MAN1A1: variants seen among roughly 807,000 people sequenced by gnomAD.
MAN1A1 encodes mannosidase alpha class 1A member 1.
In MAN1A1, 29 loss-of-function variants were observed where a neutral mutation model predicts 70.8. That is an observed-to-expected ratio of 0.41 (90% CI 0.31 to 0.56). The LOEUF (loss-of-function observed/expected upper bound fraction) is 0.56, where lower values mean the gene tolerates loss of function less well. MAN1A1 is among the 20% of genes least tolerant of loss of function. The probability of loss-of-function intolerance (pLI) is 0.29; values close to 1 mark genes in which losing one functional copy is unlikely to be tolerated. For missense variants in MAN1A1, 747 were observed against 841.3 expected (o/e 0.89, Z 1.39); for synonymous variants, 349 against 330.1 (o/e 1.06, Z -0.62).
At chr6:119,220,750 T>A (rs1013246428) in intron 6 of MAN1A1, among the ~76,000 whole-genome samples, 1 of 152,202 alleles carries the variant, frequency 6.6e-6, no homozygotes, top group Non-Finnish European at 1.5e-5. Flanking sequence ...TTTTTTCAGA[T>A]ACTACAGGAT....
intron 9 of MAN1A1, 83 bp downstream of exon 9, chr6:119,193,694 T>C (rs1178946358): frequency 3.6e-6 from 3 of 835,650 alleles, no homozygotes; most frequent in Admixed American, 2.3e-5. Context: ...TCATGTAGTA[T>C]ACCACTTATT....
chr6:119,198,282 C>T (rs944977643), intron 8 of MAN1A1, among the ~76,000 whole-genome samples: 35 of 152,100 alleles, frequency 2.3e-4, no homozygotes, highest in African/African-American at 7.2e-4. Context: ...CCCAGCTACT[C>T]GGGAGGCTGA....
chr6:119,339,757 T>C (rs988966624), intron 2 of MAN1A1, among the ~76,000 whole-genome samples: 2 of 152,230 alleles, frequency 1.3e-5, no homozygotes, highest in African/African-American at 4.8e-5. Flanking sequence ...ATAATTCTGC[T>C]GAGCAACTTT....
At chr6:119,228,156 C>A (rs938052831) in intron 6 of MAN1A1, among the ~76,000 whole-genome samples, 2 of 152,120 alleles carry the variant, frequency 1.3e-5, no homozygotes, top group Non-Finnish European at 2.9e-5. Flanking sequence ...TTCAGAGAGA[C>A]CCCTGTAATA....
intron 2 of MAN1A1, among the ~76,000 whole-genome samples, chr6:119,313,534 T>C (rs1204869388): frequency 2.0e-5 from 3 of 152,142 alleles, no homozygotes; most frequent in African/African-American, 7.2e-5. Flanking sequence ...TCAAGATTCT[T>C]TACCCCAATG....
intron 6 of MAN1A1, among the ~76,000 whole-genome samples, chr6:119,221,571 C>T (rs1292220324): frequency 6.7e-6 from 1 of 149,064 alleles, no homozygotes; most frequent in African/African-American, 2.5e-5. Flanking sequence ...CTCCTGGGTT[C>T]AAGCAATTCT....
intron 2 of MAN1A1, among the ~76,000 whole-genome samples, chr6:119,333,636 G>A (rs189434636): frequency 6.6e-6 from 1 of 152,254 alleles, no homozygotes. Context: ...AGCATATCTG[G>A]CTATAAAATC....
intron 6 of MAN1A1, among the ~76,000 whole-genome samples, chr6:119,231,555 C>T (rs891888752): frequency 6.6e-6 from 1 of 152,154 alleles, no homozygotes; most frequent in Non-Finnish European, 1.5e-5. Context: ...TACTGAGGAG[C>T]TTTCATCTAG....
At chr6:119,277,033 T>G (rs895334713) in intron 5 of MAN1A1, among the ~76,000 whole-genome samples, 1 of 152,200 alleles carries the variant, frequency 6.6e-6, no homozygotes, top group African/African-American at 2.4e-5. Flanking sequence ...AATCTCTATT[T>G]GTACTACTTC....
chr6:119,270,897 T>C (rs1469801575), intron 5 of MAN1A1, among the ~76,000 whole-genome samples: 2 of 152,238 alleles, frequency 1.3e-5, no homozygotes, highest in South Asian at 2.1e-4. Flanking sequence ...AAAGAATCAG[T>C]ACATATTCCC....
rs569027545 is a variant in MAN1A1, at chr6:119,179,088, A to C, written c.*731T>G. 1 of 152,324 alleles carries C rather than the reference A, an allele frequency of 6.6e-6. No individual in the cohort carries two copies. The highest frequency in any genetic ancestry group is 6.5e-5 in the Admixed American group (1 of 15,300). The allele number at this position is 152,324 out of a possible 1,614,324, so 9.4% of individuals were successfully genotyped here. A position where few individuals can be genotyped will look rare whatever the true frequency, so the allele number is the denominator to read the frequency against. ...CTCTGTGTAGTGGGGAATGGAAGAA[A>C]TTAACTAGTATATAATCCAGAAATG... On this transcript the variant is annotated 3_prime_UTR_variant, in exon 13 of 13. Transcript: ENST00000368468.
intron 6 of MAN1A1, among the ~76,000 whole-genome samples, chr6:119,215,537 A>G (rs889760619): frequency 2.0e-5 from 3 of 152,220 alleles, no homozygotes; most frequent in African/African-American, 7.2e-5. Context: ...ACTTTTCCAG[A>G]TAGATCTGGT....
chr6:119,325,838 C>T lies in MAN1A1; in HGVS notation c.604-18846G>A, dbSNP rs6923365. On this transcript the variant is annotated intron_variant, in intron 2 of 12. Transcript: ENST00000368468. ...GATCAATATTCCCTACATGTGGATACAGCATGTTTGCTTGCCTTCTCTATT... is the reference window on the plus strand; with the variant it reads ...GATCAATATTCCCTACATGTGGATATAGCATGTTTGCTTGCCTTCTCTATT... 5.9e-3 allele frequency among the ~76,000 whole-genome samples: 905 copies of T among 152,302 alleles called. 31 individuals carry two copies. In the East Asian group the frequency reaches 0.091, roughly 15 times the overall value.
At chr6:119,324,922 C>T (rs1773107132) in intron 2 of MAN1A1, among the ~76,000 whole-genome samples, 2 of 152,050 alleles carry the variant, frequency 1.3e-5, no homozygotes, top group East Asian at 1.9e-4. Flanking sequence ...GTGTCCCTGG[C>T]CTGTATACAC....
At chr6:119,238,333 G>A (rs182670249) in intron 6 of MAN1A1, among the ~76,000 whole-genome samples, 99 of 152,190 alleles carry the variant, frequency 6.5e-4, no homozygotes, top group African/African-American at 2.3e-3. Context: ...TGCTCTAAGG[G>A]CTTTGCAAGT....
At chr6:119,200,396 G>A (rs1209887886) in intron 8 of MAN1A1, among the ~76,000 whole-genome samples, 1 of 152,050 alleles carries the variant, frequency 6.6e-6, no homozygotes, top group Non-Finnish European at 1.5e-5. Flanking sequence ...ACATATTTTA[G>A]CATATGGATT....
intron 5 of MAN1A1, among the ~76,000 whole-genome samples, chr6:119,287,197 G>A (rs1180871674): frequency 1.3e-5 from 2 of 152,072 alleles, no homozygotes; most frequent in South Asian, 4.1e-4. Context: ...ACTAATTGCA[G>A]GGTGTCCCAA....
chr6:119,300,549 C>G (rs1157777689), intron 4 of MAN1A1, among the ~76,000 whole-genome samples: 1 of 152,020 alleles, frequency 6.6e-6, no homozygotes, highest in Non-Finnish European at 1.5e-5. Context: ...CCACCACGCC[C>G]GGTCCACAGA....
At chr6:119,192,368 T>C (rs1773464637) in intron 9 of MAN1A1, among the ~76,000 whole-genome samples, 1 of 152,204 alleles carries the variant, frequency 6.6e-6, no homozygotes, top group South Asian at 2.1e-4. Flanking sequence ...ATGTTAATCA[T>C]GTGCCTTTAT....
Sources: gnomAD v4.1 joint callset for allele counts (sites outside exome capture counted in the v4.1 genomes callset) on GRCh38, gnomAD v4.1.1 for gene constraint, MANE v1.5 for transcripts, NCBI Gene and HGNC (gene_info 2026-07-23, HGNC 2026-07-21) for gene names.